NRP1: variants seen among roughly 807,000 people sequenced by gnomAD.
NRP1 encodes neuropilin-1.
NRP1 carries 35 observed loss-of-function variants against 106.7 expected under a neutral mutation model. The observed-to-expected ratio is 0.33, with a 90% CI of 0.25 to 0.43. The LOEUF (loss-of-function observed/expected upper bound fraction) is 0.43, where lower values mean the gene tolerates loss of function less well. Ranked by LOEUF, NRP1 falls within the 20% of genes least tolerant of loss-of-function variation. The pLI, the probability that NRP1 is intolerant of heterozygous loss-of-function variation, is 1.00. For missense variants in NRP1, 1,024 were observed against 1,170.4 expected (o/e 0.87, Z 1.83); for synonymous variants, 437 against 417.9 (o/e 1.05, Z -0.56).
At chr10:33,300,046 TTTGC>T (rs1845693361) in intron 2 of NRP1, among the ~76,000 whole-genome samples, 1 of 152,212 alleles carries the variant, frequency 6.6e-6, no homozygotes, top group Non-Finnish European at 1.5e-5. Context: ...AGATGAACAC[TTTGC>T]TTGACTTTCA....
intron 2 of NRP1, among the ~76,000 whole-genome samples, chr10:33,305,594 C>T (rs1846093294): frequency 6.6e-6 from 1 of 152,100 alleles, no homozygotes; most frequent in Non-Finnish European, 1.5e-5. Context: ...TCACTTCCTG[C>T]CTAAACTCCA....
chr10:33,326,918 G>A (rs1288260326), intron 2 of NRP1, among the ~76,000 whole-genome samples: 1 of 152,022 alleles, frequency 6.6e-6, no homozygotes, highest in Non-Finnish European at 1.5e-5. Flanking sequence ...ATGAAATGAT[G>A]TTTTTTACCT....
chr10:33,232,175 C>G (rs1442840300), intron 6 of NRP1, among the ~76,000 whole-genome samples: 1 of 152,022 alleles, frequency 6.6e-6, no homozygotes. Flanking sequence ...AAAGACACAA[C>G]CCAGAGTACT....
chr10:33,320,835 G>A (rs1436516933), intron 2 of NRP1, among the ~76,000 whole-genome samples: 1 of 152,174 alleles, frequency 6.6e-6, no homozygotes, highest in South Asian at 2.1e-4. Context: ...ACCCAAACGA[G>A]AGATGAACAC....
intron 12 of NRP1, among the ~76,000 whole-genome samples, chr10:33,192,998 A>G (rs1426633582): frequency 6.6e-6 from 1 of 152,194 alleles, no homozygotes; most frequent in African/African-American, 2.4e-5. Flanking sequence ...GCCTTCTATA[A>G]GGTCGATTAA....
intron 2 of NRP1, among the ~76,000 whole-genome samples, chr10:33,320,700 C>G (rs540204417): frequency 4.1e-4 from 63 of 152,286 alleles, no homozygotes; most frequent in Non-Finnish European, 6.0e-4. Context: ...CTTCATATAC[C>G]TCATTTTGAG....
chr10:33,333,247 T>A (rs1320148071), intron 1 of NRP1, among the ~76,000 whole-genome samples: 2 of 151,844 alleles, frequency 1.3e-5, no homozygotes, highest in Non-Finnish European at 2.9e-5. Context: ...TTTTTTTGCA[T>A]GTGTTTTGCT....
chr10:33,257,357 C>A (rs1265305012), intron 4 of NRP1, among the ~76,000 whole-genome samples: 1 of 152,186 alleles, frequency 6.6e-6, no homozygotes. Flanking sequence ...TATTTGATGG[C>A]TGAGTGCGGT....
intron 4 of NRP1, among the ~76,000 whole-genome samples, chr10:33,261,781 G>A (rs920276457): frequency 2.0e-5 from 3 of 151,990 alleles, no homozygotes; most frequent in African/African-American, 7.3e-5. Context: ...TGTTCCCCAG[G>A]CTGGAGTGCA....
chr10:33,320,823 C>T (rs2132879004), intron 2 of NRP1, among the ~76,000 whole-genome samples: 1 of 152,224 alleles, frequency 6.6e-6, no homozygotes, highest in Admixed American at 6.5e-5. Context: ...CTGGGGTCTG[C>T]CACCCAAACG....
intron 2 of NRP1, among the ~76,000 whole-genome samples, chr10:33,317,683 G>C (rs1340068966): frequency 5.9e-5 from 9 of 151,516 alleles, no homozygotes; most frequent in African/African-American, 9.7e-5. Context: ...AATTCCTCAA[G>C]CACACATGAA....
Position 33,305,483 on chromosome 10 carries a change from G to A in NRP1, c.248+25225C>T, listed in dbSNP as rs183314483. Among the ~76,000 whole-genome samples the A allele has an allele frequency of 4.4e-4, 67 of 152,164 alleles. 1 individual carries two copies. The highest frequency in any genetic ancestry group is 1.5e-3 in the African/African-American group (62 of 41,514). ...CATTACCTGGAAAAGTAAGAAGTAG[G>A]GAAAGCAATATGGCTGAAGACAAGT... On this transcript the variant is annotated intron_variant, in intron 2 of 16. Coordinates refer to ENST00000374867, the MANE Select transcript of NRP1 (RefSeq NM_003873.7).
intron 3 of NRP1, among the ~76,000 whole-genome samples, chr10:33,270,327 A>ATT (rs1564442014): frequency 0.018 from 2,171 of 119,604 alleles, 70 homozygotes; most frequent in African/African-American, 0.073. Flanking sequence ...ATGTTAAATA[A>ATT]ATTTTTTTTT....
intron 2 of NRP1, among the ~76,000 whole-genome samples, chr10:33,314,018 TTC>T (rs71792669): frequency 2.2e-4 from 10 of 45,690 alleles, no homozygotes; most frequent in African/African-American, 6.0e-4. Context: ...CCTTCCTTCC[TTC>T]TCTCTCTCTC....
intron 6 of NRP1, among the ~76,000 whole-genome samples, chr10:33,230,616 T>C (rs1840042471): frequency 6.8e-6 from 1 of 147,660 alleles, no homozygotes; most frequent in African/African-American, 2.7e-5. Flanking sequence ...TGTGTGTGTG[T>C]GTGTGTGTGT....
chr10:33,202,383 T>C (rs1837387321), intron 11 of NRP1: 1 of 369,864 alleles, frequency 2.7e-6, no homozygotes, highest in Non-Finnish European at 4.9e-6. Context: ...CAGCTAATTC[T>C]GCCTTTGTAA....
chr10:33,184,625 A>G (rs1835889992), intron 15 of NRP1, among the ~76,000 whole-genome samples: 1 of 152,238 alleles, frequency 6.6e-6, no homozygotes, highest in South Asian at 2.1e-4. Context: ...AAGCCTTATC[A>G]TTCTTGTGAA....
intron 6 of NRP1, among the ~76,000 whole-genome samples, chr10:33,237,484 C>CGCGCGT (rs757493039): frequency 4.5e-5 from 6 of 134,822 alleles, no homozygotes; most frequent in Non-Finnish European, 9.3e-5. Flanking sequence ...CACACATGCG[C>CGCGCGT]GCGCACACAC....
Position 33,197,118 on chromosome 10 carries a change from A to T in NRP1, c.1924+532T>A, listed in dbSNP as rs1836843083. Among the ~76,000 whole-genome samples, 3 of 152,100 alleles carry T rather than the reference A, an allele frequency of 2.0e-5. No individual in the cohort carries two copies. In the South Asian group the frequency reaches 6.2e-4, roughly 32 times the overall value. On this transcript the variant is annotated intron_variant, in intron 12 of 16. Coordinates refer to ENST00000374867, the MANE Select transcript of NRP1 (RefSeq NM_003873.7). ...TTAAAAGTCGTTACGCTTTTCTATT[A>T]ATAAAAGGATGAGGAGGTGCTGTTC...
Sources: allele counts gnomAD v4.1 joint callset (sites outside exome capture counted in the v4.1 genomes callset), GRCh38; gene constraint gnomAD v4.1.1; transcripts MANE v1.5; gene names NCBI Gene and HGNC (gene_info 2026-07-23, HGNC 2026-07-21).